The following FER variants were observed in gnomAD, a reference collection of about 807,000 sequenced individuals.
FER encodes FER tyrosine kinase.
In FER, 63 loss-of-function variants were observed where a neutral mutation model predicts 111.0. The observed-to-expected ratio is 0.57, with a 90% CI of 0.46 to 0.70. The LOEUF (loss-of-function observed/expected upper bound fraction) is 0.70. Among genes scored for constraint, FER ranks in the 30% least tolerant of loss-of-function variants. FER has a pLI of 0.00. For synonymous variants in FER, 327 were observed against 313.9 expected (o/e 1.04, Z -0.44); for missense variants, 914 against 954.0 (o/e 0.96, Z 0.55).
intron 13 of FER, among the ~76,000 whole-genome samples, chr5:109,024,164 T>A (rs72790551): frequency 6.6e-6 from 1 of 152,058 alleles, no homozygotes; most frequent in Non-Finnish European, 1.5e-5. Context: ...AACAAATACA[T>A]AGAACAGAAG....
intron 17 of FER, among the ~76,000 whole-genome samples, chr5:109,178,937 CATG>C (rs1757996333): frequency 6.6e-6 from 1 of 152,098 alleles, no homozygotes; most frequent in Admixed American, 6.6e-5. Context: ...TTAATATTCA[CATG>C]ATTTTTTTCA....
intron 2 of FER, among the ~76,000 whole-genome samples, chr5:108,789,986 A>C (rs1022089273): frequency 1.1e-4 from 17 of 152,320 alleles, no homozygotes; most frequent in Admixed American, 7.2e-4. Context: ...TTTCCAAGTT[A>C]CAGAATAAAA....
intron 16 of FER, among the ~76,000 whole-genome samples, chr5:109,083,165 G>T (rs1185440176): frequency 6.6e-6 from 1 of 152,004 alleles, no homozygotes; most frequent in Non-Finnish European, 1.5e-5. Context: ...AAATAATCAA[G>T]TTCTTACTTC....
intron 1 of FER, among the ~76,000 whole-genome samples, chr5:108,751,441 G>C (rs1234071305): frequency 6.6e-6 from 1 of 152,112 alleles, no homozygotes; most frequent in African/African-American, 2.4e-5. Flanking sequence ...CTGCATTTTG[G>C]TAATCAGACA....
intron 18 of FER, among the ~76,000 whole-genome samples, chr5:109,181,773 A>C (rs557430116): frequency 8.3e-4 from 126 of 152,338 alleles, no homozygotes; most frequent in Middle Eastern, 3.4e-3. Context: ...ATACCATAAA[A>C]TTAATTACTT....
Position 109,052,235 on chromosome 5 carries a change from C to T in FER, c.1924+5037C>T, listed in dbSNP as rs1180602145. The T allele has an allele frequency of 3.7e-6, 6 of 1,606,906 alleles. No homozygotes were observed. In the African/African-American group the frequency reaches 6.7e-5, roughly 18 times the overall value. On this transcript the variant is annotated intron_variant, in intron 16 of 19. Coordinates refer to ENST00000281092, the MANE Select transcript of FER (RefSeq NM_005246.4). Reference sequence around the variant, plus strand: ...ATGATCTGCAGGACCCAGAAGCGCACATGAGAGATTGGGAAAGACTTGTCA... The same window carrying T: ...ATGATCTGCAGGACCCAGAAGCGCATATGAGAGATTGGGAAAGACTTGTCA...
intron 3 of FER, chr5:108,819,828 A>G: frequency 2.0e-6 from 2 of 985,308 alleles, no homozygotes; most frequent in South Asian, 4.7e-5. Context: ...TGGGAGTAAG[A>G]ACTGAGTTTT....
chr5:109,115,019 G>C (rs1273882719), intron 17 of FER, among the ~76,000 whole-genome samples: 1 of 151,670 alleles, frequency 6.6e-6, no homozygotes, highest in African/African-American at 2.4e-5. Flanking sequence ...CTCCACATTG[G>C]TTCTTAATGG....
intron 17 of FER, among the ~76,000 whole-genome samples, chr5:109,103,039 A>G (rs556665852): frequency 1.3e-5 from 2 of 152,238 alleles, no homozygotes; most frequent in African/African-American, 2.4e-5. Flanking sequence ...TACTACAGTG[A>G]ACAGTTTTTT....
intron 17 of FER, among the ~76,000 whole-genome samples, chr5:109,122,690 G>A (rs1322923836): frequency 1.3e-5 from 2 of 152,116 alleles, no homozygotes; most frequent in Non-Finnish European, 2.9e-5. Flanking sequence ...GGCTGTTGTT[G>A]TATTGGGGTC....
Position 109,189,274 on chromosome 5 carries a change from G to A in FER, c.*1699G>A, listed in dbSNP as rs1396225870. The A allele has an allele frequency of 1.3e-5, 2 of 152,122 alleles. No homozygotes were observed. Among genetic ancestry groups the A allele is most frequent in the Admixed American group, 1.3e-4 (2 of 15,276 alleles). The allele number at this position is 152,122 out of a possible 1,614,324, so 9.4% of individuals were successfully genotyped here. On this transcript the variant is annotated 3_prime_UTR_variant, in exon 20 of 20. Coordinates refer to ENST00000281092, the MANE Select transcript of FER (RefSeq NM_005246.4). ...TCATGCTCAGGGCTAAATATGTTCT[G>A]GAAGCCTTTTATAAGTTCTCAGGCC... is the stretch of plus-strand genomic sequence containing the variant.
intron 17 of FER, among the ~76,000 whole-genome samples, chr5:109,114,824 A>G (rs1009063637): frequency 3.9e-5 from 6 of 151,986 alleles, no homozygotes; most frequent in Non-Finnish European, 5.9e-5. Flanking sequence ...GATTCAAATC[A>G]TTTCCACTCC....
intron 10 of FER, among the ~76,000 whole-genome samples, chr5:108,921,056 T>A (rs1752955458): frequency 6.6e-6 from 1 of 152,136 alleles, no homozygotes; most frequent in Admixed American, 6.6e-5. Context: ...ACCAACTGCC[T>A]TCTTTTGATA....
chr5:108,926,290 A>C (rs1398926660), intron 10 of FER, among the ~76,000 whole-genome samples: 2 of 150,834 alleles, frequency 1.3e-5, no homozygotes, highest in African/African-American at 4.9e-5. Flanking sequence ...TGTGCTTTTT[A>C]TTTGTTATTT....
chr5:109,083,356 C>T (rs535691952), intron 16 of FER, among the ~76,000 whole-genome samples: 1 of 152,042 alleles, frequency 6.6e-6, no homozygotes, highest in Non-Finnish European at 1.5e-5. Flanking sequence ...TGCAGTCCCA[C>T]ATCATACCAC....
intron 17 of FER, among the ~76,000 whole-genome samples, chr5:109,176,072 A>AAT (rs1353520986): frequency 6.6e-6 from 1 of 152,180 alleles, no homozygotes; most frequent in East Asian, 1.9e-4. Context: ...AATGTAAATT[A>AAT]ATATATATAT....
At chr5:108,841,223 G>A (rs1409167289) in intron 5 of FER, among the ~76,000 whole-genome samples, 2 of 151,906 alleles carry the variant, frequency 1.3e-5, no homozygotes, top group African/African-American at 4.8e-5. Context: ...ACTTTACTAG[G>A]TAGTGAACGC....
intron 3 of FER, among the ~76,000 whole-genome samples, chr5:108,816,430 C>T (rs1044351844): frequency 4.6e-5 from 7 of 152,130 alleles, no homozygotes; most frequent in South Asian, 2.1e-4. Context: ...TTTCTGAAGT[C>T]GACTTTGACA....
chr5:108,749,414 G>A (rs1040392857), intron 1 of FER, among the ~76,000 whole-genome samples: 3 of 152,066 alleles, frequency 2.0e-5, no homozygotes, highest in Non-Finnish European at 4.4e-5. Context: ...AGGCGGGGTG[G>A]TGGGGGGACT....
Sources: allele counts gnomAD v4.1 joint callset (sites outside exome capture counted in the v4.1 genomes callset), GRCh38; gene constraint gnomAD v4.1.1; transcripts MANE v1.5; gene names NCBI Gene and HGNC (gene_info 2026-07-23, HGNC 2026-07-21).